ANKS1A: variants seen among roughly 807,000 people sequenced by gnomAD.
ANKS1A encodes the protein ankyrin repeat and SAM domain-containing protein 1A.
In ANKS1A, 55 loss-of-function variants were observed where a neutral mutation model predicts 120.3. That is an observed-to-expected ratio of 0.46 (90% CI 0.37 to 0.57). ANKS1A has a LOEUF of 0.57. ANKS1A is among the 20% of genes least tolerant of loss of function. The probability of loss-of-function intolerance (pLI) is 0.00; values close to 1 mark genes in which losing one functional copy is unlikely to be tolerated. For synonymous variants in ANKS1A, 590 were observed against 604.7 expected, an observed-to-expected ratio of 0.98 and a Z score of 0.36; for missense variants, 1,123 against 1,480.3, an observed-to-expected ratio of 0.76 and a Z score of 3.96.
rs761127012 is a variant in ANKS1A at position 35,083,410 on chromosome 6, C to T, written c.2908-7C>T. On this transcript the variant is annotated splice_region_variant and splice_polypyrimidine_tract_variant and intron_variant, in intron 19 of 23. Transcript: ENST00000360359. ...GCACTGACAGGGCCACCCCTTGTTT[C>T]CTGTAGAAATCTACGGAGCACATGA... The T allele has an allele frequency of 5.0e-6, 8 of 1,613,940 alleles. No homozygotes were observed. Among genetic ancestry groups the T allele is most frequent in the Non-Finnish European group, 5.9e-6 (7 of 1,179,862 alleles).
At chr6:35,014,038 G>A (rs565467972) in intron 10 of ANKS1A, among the ~76,000 whole-genome samples, 4 of 152,256 alleles carry the variant, frequency 2.6e-5, no homozygotes, top group African/African-American at 9.6e-5. Context: ...TCCCAGAATT[G>A]CACAAAGAAG....
intron 11 of ANKS1A, among the ~76,000 whole-genome samples, chr6:35,045,392 C>T (rs2127580362): frequency 6.6e-6 from 1 of 152,276 alleles, no homozygotes; most frequent in African/African-American, 2.4e-5. Flanking sequence ...TGAGTGACGA[C>T]TTTTTTTCAC....
Position 34,994,327 on chromosome 6 carries a change from A to G in ANKS1A, c.1328A>G (p.His443Arg), listed in dbSNP as rs774860286. The G allele has an allele frequency of 2.2e-5, 35 of 1,613,488 alleles. 2 individuals carry two copies. The South Asian group carries it at 3.0e-4, about 14-fold the overall frequency. ...GTTCTGTCCATGAGACCTAGGATTC[A>G]TGGGAGTGCAGCCCGGGAAGAAGAC... ...SEVLSMRPRI[H>R]GSAAREEDEH... Residue 443 changes from histidine (H) to arginine (R), a missense_variant, in exon 10 of 24, where the codon CAT becomes CGT. His to Arg is a conservative substitution (Grantham distance 29). Around this residue, in one of 3 missense-constraint regions of ANKS1A, gnomAD observed 904 missense variants for 1,130.4 expected, o/e 0.80. Transcript: ENST00000360359.
In ANKS1A at chr6:34,985,145, G is replaced by A; in HGVS notation, c.1076G>A (p.Gly359Asp). The change falls in exon 8 of 24, where the codon GGT (glycine) becomes GAT (aspartate). Residue 359 changes from glycine (G) to aspartate (D), a missense_variant. Transcript: ENST00000360359. Reference sequence around the variant, plus strand: ...TTTGATGCAAATGCTGAAGAAGAGGGTCCCTACGAAGCTCTGTATAATGCC... The same window carrying A: ...TTTGATGCAAATGCTGAAGAAGAGGATCCCTACGAAGCTCTGTATAATGCC... ...IDFDANAEEE[G>D]PYEALYNAIS... 6.2e-7 allele frequency: 1 copy of A among 1,614,162 alleles called. No homozygotes were observed. Among genetic ancestry groups the A allele is most frequent in the Non-Finnish European group, 8.5e-7 (1 of 1,180,032 alleles).
At chr6:35,092,216 G>A (rs1778330492), downstream of ANKS1A, among the ~76,000 whole-genome samples, 1 of 152,182 alleles carries the variant, frequency 6.6e-6, no homozygotes, top group Admixed American at 6.5e-5. Context: ...CAGAGCCCCT[G>A]TTCCTAGGCC....
intron 1 of ANKS1A, among the ~76,000 whole-genome samples, chr6:34,894,653 A>ACAC (rs1308074597): frequency 1.3e-5 from 2 of 152,120 alleles, no homozygotes; most frequent in Non-Finnish European, 2.9e-5. Context: ...CCACGTCCTC[A>ACAC]CACCACCACC....
At position 34,982,828 on chromosome 6, in the gene ANKS1A, G is replaced by A. The variant is rs369191268; in HGVS notation, c.808+1G>A. ...GTGGTGCAAATCCTGCTGGCTGCAG[G>A]TGAGAGGTCGGCAGCGCTCTTGTCT... On this transcript the variant is annotated splice_donor_variant, in intron 5 of 23. Transcript: ENST00000360359. LOFTEE classifies it high-confidence loss of function. The surrounding 1 kb of genome is among the most constrained non-coding windows in gnomAD (Gnocchi z 4.9). 6.2e-7 allele frequency: 1 copy of A among 1,614,078 alleles called. No individual in the cohort carries two copies. The highest frequency in any genetic ancestry group is 8.5e-7 in the Non-Finnish European group (1 of 1,180,042).
chr6:35,074,458 A>G (rs1777241609), intron 13 of ANKS1A, among the ~76,000 whole-genome samples: 1 of 151,440 alleles, frequency 6.6e-6, no homozygotes, highest in Admixed American at 6.6e-5. Context: ...ATAGCCAGGC[A>G]TGGTGGTACA....
In ANKS1A at chr6:34,961,705, C is replaced by G. The variant is rs376472469; in HGVS notation, c.198-5534C>G. 2.0e-5 allele frequency among the ~76,000 whole-genome samples: 3 copies of G among 152,192 alleles called. No homozygotes were observed. The East Asian group carries it at 5.8e-4, about 29-fold the overall frequency. ...TTTCAGGGCTCCTTGGGGACATGAA[C>G]TGAGAGGGCTGAGATAGTTGAGTTC... On this transcript the variant is annotated intron_variant, in intron 1 of 23. Transcript: ENST00000360359.
chr6:34,974,696 A>G (rs1292057689), intron 3 of ANKS1A, among the ~76,000 whole-genome samples: 3 of 152,190 alleles, frequency 2.0e-5, no homozygotes, highest in Non-Finnish European at 4.4e-5. Flanking sequence ...TCTGAGCCTC[A>G]GTTTCCTCTT....
chr6:34,929,481 G>A (rs533747895), intron 1 of ANKS1A, among the ~76,000 whole-genome samples: 2 of 152,226 alleles, frequency 1.3e-5, no homozygotes, highest in East Asian at 1.9e-4. Flanking sequence ...CACCTGTGCC[G>A]TTCACGTGTC....
intron 7 of ANKS1A, 92 bp from the exon 8 acceptor site, chr6:34,984,990 G>T: frequency 1.6e-6 from 2 of 1,215,048 alleles, no homozygotes; most frequent in East Asian, 4.7e-5. Flanking sequence ...TGTGAGCGCG[G>T]GTGACTAAAG....
At chr6:34,977,961 C>T (rs1372168666) in intron 3 of ANKS1A, among the ~76,000 whole-genome samples, 1 of 151,624 alleles carries the variant, frequency 6.6e-6, no homozygotes, top group Non-Finnish European at 1.5e-5. Context: ...AAGTTTCTTT[C>T]TTCCTTTTTT....
In ANKS1A at chr6:35,021,639, T is replaced by G. The variant is rs1045080692; in HGVS notation, c.2010+3580T>G. Reference sequence around the variant, plus strand: ...TAGATATTAATGTTACTATCTTGCTTGGAGCTGCAGAGAATGGGAACTGAG... The same window carrying G: ...TAGATATTAATGTTACTATCTTGCTGGGAGCTGCAGAGAATGGGAACTGAG... On this transcript the variant is annotated intron_variant, in intron 11 of 23. Coordinates refer to ENST00000360359, the MANE Select transcript of ANKS1A (RefSeq NM_015245.3). 2.0e-5 allele frequency among the ~76,000 whole-genome samples: 3 copies of G among 152,170 alleles called. No homozygotes were observed. In the South Asian group the frequency reaches 6.2e-4, roughly 32 times the overall value.
At chr6:35,096,911 A>C in the ANKS1A span, among the ~76,000 whole-genome samples, 2 of 151,848 alleles carry the variant, frequency 1.3e-5, no homozygotes, top group Admixed American at 6.6e-5. Context: ...AAAGAAAAAA[A>C]AAACACACAC....
intron 11 of ANKS1A, among the ~76,000 whole-genome samples, chr6:35,026,448 G>C (rs1322464256): frequency 6.6e-6 from 1 of 152,178 alleles, no homozygotes; most frequent in African/African-American, 2.4e-5. Flanking sequence ...CATGGAGCTG[G>C]CTTTCTAGAA....
intron 13 of ANKS1A, among the ~76,000 whole-genome samples, chr6:35,063,267 T>C (rs369756734): frequency 6.6e-6 from 1 of 152,238 alleles, no homozygotes; most frequent in African/African-American, 2.4e-5. Flanking sequence ...GGTTCCATTT[T>C]CACCACAAAT....
intron 10 of ANKS1A, among the ~76,000 whole-genome samples, chr6:35,003,279 C>T (rs1220995426): frequency 6.6e-6 from 1 of 152,150 alleles, no homozygotes; most frequent in East Asian, 1.9e-4. Context: ...CATACGGTTG[C>T]AAGCTGTTTT....
intron 11 of ANKS1A, 64 bp downstream of exon 11, chr6:35,018,123 C>A (rs1774143168): frequency 4.0e-6 from 6 of 1,494,694 alleles, no homozygotes; most frequent in Non-Finnish European, 4.6e-6. Flanking sequence ...CACCACAGCT[C>A]CCGTGAGTGC....
Sources: allele counts gnomAD v4.1 joint callset (sites outside exome capture counted in the v4.1 genomes callset), GRCh38; gene constraint gnomAD v4.1.1; regional missense constraint gnomAD v4.1.1; non-coding constraint Gnocchi (gnomAD v3.1); transcripts MANE v1.5; gene names NCBI Gene and HGNC (gene_info 2026-07-23, HGNC 2026-07-21).